Variants in SEMA5B observed in about 807,000 individuals in gnomAD.
SEMA5B encodes semaphorin 5B.
In SEMA5B, 66 loss-of-function variants were observed where a neutral mutation model predicts 135.0. That is an observed-to-expected ratio of 0.49 (90% CI 0.40 to 0.60). The LOEUF (loss-of-function observed/expected upper bound fraction) is 0.60. SEMA5B is among the 20% of genes least tolerant of loss of function. SEMA5B has a pLI of 0.00. For synonymous variants in SEMA5B, 690 were observed against 639.5 expected (o/e 1.08, Z -1.19); for missense variants, 1,501 against 1,566.3 (o/e 0.96, Z 0.70).
At chr3:122,912,533 G>A (rs1363952722) in intron 18 of SEMA5B, among the ~76,000 whole-genome samples, 191 bp from the exon 19 acceptor site, 4 of 151,942 alleles carry the variant, frequency 2.6e-5, no homozygotes, top group Non-Finnish European at 4.4e-5. Flanking sequence ...GGAAACGCAG[G>A]AAGCAGCAGA....
intron 4 of SEMA5B, 148 bp downstream of exon 4, chr3:122,943,288 G>T: frequency 1.7e-6 from 1 of 593,118 alleles, no homozygotes; most frequent in Non-Finnish European, 3.0e-6. Context: ...CTCCTGTGGG[G>T]GGACAGACAT....
At chr3:123,009,925 T>G (rs1346171802) in intron 1 of SEMA5B, among the ~76,000 whole-genome samples, 3 of 151,938 alleles carry the variant, frequency 2.0e-5, no homozygotes, top group Non-Finnish European at 4.4e-5. Flanking sequence ...CCCTGGGAAA[T>G]GAAGCTCATA....
chr3:122,961,615 T>G (rs1940588682), intron 1 of SEMA5B, among the ~76,000 whole-genome samples: 1 of 152,000 alleles, frequency 6.6e-6, no homozygotes, highest in Admixed American at 6.6e-5. Flanking sequence ...TGCACCACCA[T>G]ACCTGGCTAA....
chr3:122,961,576 C>T (rs1259776422), intron 1 of SEMA5B, among the ~76,000 whole-genome samples: 10 of 152,070 alleles, frequency 6.6e-5, no homozygotes, highest in South Asian at 6.2e-4. Context: ...CCTCCTGCCT[C>T]AGCCCCCCAA....
chr3:122,928,996 C>T lies in SEMA5B; in HGVS notation c.537G>A (p.Glu179=), dbSNP rs150022847. Residue 179 remains glutamate, a splice_region_variant and synonymous_variant, in exon 6 of 23, where the codon GAG becomes GAA. Coordinates refer to ENST00000357599, the MANE Select transcript of SEMA5B (RefSeq NM_001031702.4). ...RRSCQSKGKT[E]EECQNYVRVL... ...CCCCTGGACCGCCGAGACCACGTAC[C>T]TCAGTCTTCCCTTTGCTTTGGCAGG... 6.2e-7 allele frequency: 1 copy of T among 1,612,402 alleles called. No homozygotes were observed. Among genetic ancestry groups the T allele is most frequent in the Non-Finnish European group, 8.5e-7 (1 of 1,180,022 alleles).
At chr3:122,992,604 G>A (rs549850125) in intron 1 of SEMA5B, among the ~76,000 whole-genome samples, 3 of 152,220 alleles carry the variant, frequency 2.0e-5, no homozygotes, top group South Asian at 4.2e-4. Flanking sequence ...GCTCCCTGAT[G>A]CCCCACCTCC....
At position 122,961,300 on chromosome 3, in the gene SEMA5B, C is replaced by T. The variant is rs1940568971; in HGVS notation, c.-37G>A. 1.2e-6 allele frequency: 2 copies of T among 1,612,912 alleles called. No individual in the cohort carries two copies. The highest frequency in any genetic ancestry group is 1.3e-5 in the African/African-American group (1 of 74,980). ...AGGCCAGGCACCAGCTGGAACCACT[C>T]ACTGAAGGGGGAGAATTTTGGGTAA... is the stretch of plus-strand genomic sequence containing the variant. On this transcript the variant is annotated splice_region_variant and 5_prime_UTR_variant, in exon 2 of 23. Coordinates refer to ENST00000357599, the MANE Select transcript of SEMA5B (RefSeq NM_001031702.4).
chr3:123,006,787 C>A (rs560818622), intron 1 of SEMA5B, among the ~76,000 whole-genome samples: 8 of 152,084 alleles, frequency 5.3e-5, no homozygotes, highest in African/African-American at 1.2e-4. Context: ...ACCCTCCCCC[C>A]ATCTATGTTC....
chr3:122,963,009 A>T (rs2107611451), intron 1 of SEMA5B, among the ~76,000 whole-genome samples: 1 of 152,296 alleles, frequency 6.6e-6, no homozygotes, highest in South Asian at 2.1e-4. Context: ...ACTCACAGAG[A>T]GCAGAGACTT....
intron 1 of SEMA5B, among the ~76,000 whole-genome samples, chr3:122,963,277 A>T (rs1397139017): frequency 1.3e-5 from 2 of 152,166 alleles, no homozygotes; most frequent in Non-Finnish European, 2.9e-5. Context: ...TGGGCAGATC[A>T]CTTGAGATCA....
At position 122,921,994 on chromosome 3, in the gene SEMA5B, C is replaced by CGCTGTGCAGGATGCGCAG. The variant is rs1938371473; in HGVS notation, c.1591_1608dup (p.Leu531_Ser536dup). ...CTCAGCCCCACGAAGAGCGCGCGGG[C>CGCTGTGCAGGATGCGCAG]GCTGTGCAGGATGCGCAGGCTGCGC... On this transcript the variant is annotated inframe_insertion, in exon 12 of 23. Transcript: ENST00000357599. 6.5e-7 allele frequency: 1 copy of CGCTGTGCAGGATGCGCAG among 1,534,312 alleles called. No homozygotes were observed. The highest frequency in any genetic ancestry group is 8.7e-7 in the Non-Finnish European group (1 of 1,144,008).
At chr3:122,992,359 C>G (rs923644236) in intron 1 of SEMA5B, among the ~76,000 whole-genome samples, 6 of 152,272 alleles carry the variant, frequency 3.9e-5, no homozygotes, top group Non-Finnish European at 8.8e-5. Flanking sequence ...AGCCACATGG[C>G]CAGGGAAAGG....
At chr3:122,974,052 C>T (rs1017656169) in intron 1 of SEMA5B, among the ~76,000 whole-genome samples, 1 of 152,216 alleles carries the variant, frequency 6.6e-6, no homozygotes, top group Admixed American at 6.5e-5. Flanking sequence ...CCAGATCCAT[C>T]TGGAGAGCAA....
At chr3:122,992,188 G>GA (rs569992728) in intron 1 of SEMA5B, among the ~76,000 whole-genome samples, 218 of 152,202 alleles carry the variant, frequency 1.4e-3, no homozygotes, top group African/African-American at 5.0e-3. Flanking sequence ...TGTTTGCAAA[G>GA]AAAAAAAGAG....
intron 1 of SEMA5B, among the ~76,000 whole-genome samples, chr3:122,984,616 T>G (rs575757357): frequency 6.6e-6 from 1 of 152,178 alleles, no homozygotes; most frequent in Non-Finnish European, 1.5e-5. Context: ...AGGTTACCCA[T>G]TGGGTACAAT....
chr3:122,980,590 C>A (rs1941492649), intron 1 of SEMA5B, among the ~76,000 whole-genome samples: 11 of 152,206 alleles, frequency 7.2e-5, no homozygotes, highest in Admixed American at 6.5e-4. Flanking sequence ...TTCTGGCCAG[C>A]CGTGCTCTTC....
chr3:122,936,659 A>G (rs1939300001), intron 5 of SEMA5B, among the ~76,000 whole-genome samples: 1 of 152,234 alleles, frequency 6.6e-6, no homozygotes, highest in Non-Finnish European at 1.5e-5. Flanking sequence ...ACAGCTCATC[A>G]TGCTGGTCCT....
intron 1 of SEMA5B, among the ~76,000 whole-genome samples, chr3:122,983,992 C>T (rs1941617457): frequency 6.6e-6 from 1 of 152,150 alleles, no homozygotes; most frequent in Non-Finnish European, 1.5e-5. Flanking sequence ...GAGAGTTTGG[C>T]TCTTAGGAAA....
chr3:122,927,838 T>A lies in SEMA5B; in HGVS notation c.802A>T (p.Ser268Cys). Reference protein sequence around the residue: ...RDPAIYRSLGSGPPLRTAQYN... With the variant: ...RDPAIYRSLGCGPPLRTAQYN... ...TGGGCAGTGCGAAGCGGTGGCCCACTGCCCAGGCTGCGGTAGATGGCAGGG... is the reference window on the plus strand; with the variant it reads ...TGGGCAGTGCGAAGCGGTGGCCCACAGCCCAGGCTGCGGTAGATGGCAGGG... The change falls in exon 8 of 23, where the codon AGT becomes TGT. Residue 268 changes from serine to cysteine, a missense_variant. Ser to Cys is a moderately radical substitution (Grantham distance 112). Transcript: ENST00000357599. The A allele has an allele frequency of 6.4e-7, 1 of 1,571,082 alleles. No homozygotes were observed. Among genetic ancestry groups the A allele is most frequent in the Non-Finnish European group, 8.6e-7 (1 of 1,157,280 alleles).
Sources: allele counts gnomAD v4.1 joint callset (sites outside exome capture counted in the v4.1 genomes callset), GRCh38; gene constraint gnomAD v4.1.1; transcripts MANE v1.5; gene names NCBI Gene and HGNC (gene_info 2026-07-23, HGNC 2026-07-21).